The following ADCY3 variants were observed in gnomAD, a reference collection of about 807,000 sequenced individuals.
ADCY3 encodes adenylate cyclase 3, also known as adenylate cyclase type 3.
A neutral mutation model predicts 119.4 loss-of-function variants in ADCY3; 70 were observed. The ratio of observed to expected loss-of-function variants is 0.59; its 90% CI spans 0.48 to 0.72. The LOEUF is 0.72. Ranked by LOEUF, ADCY3 falls within the 30% of genes least tolerant of loss-of-function variation. ADCY3 has a pLI of 0.00. For synonymous variants in ADCY3, 672 were observed against 621.4 expected, an observed-to-expected ratio of 1.08 and a Z score of -1.21; for missense variants, 1,238 against 1,541.6, an observed-to-expected ratio of 0.80 and a Z score of 3.30.
At position 24,819,855 on chromosome 2, in the gene ADCY3, A is replaced by G; in HGVS notation, c.*77T>C. ...AGTCCATGAGTGTGCACTTCAATCC[A>G]GGAAGGTCGGGACTTCCTTCAGTTT... On this transcript the variant is annotated 3_prime_UTR_variant, in exon 22 of 22. Coordinates refer to ENST00000679454, the MANE Select transcript of ADCY3 (RefSeq NM_004036.5). 5 of 1,474,700 alleles carry G rather than the reference A, an allele frequency of 3.4e-6. No homozygotes were observed. The highest frequency in any genetic ancestry group is 4.6e-6 in the Non-Finnish European group (5 of 1,081,624). 91.4% of individuals were successfully genotyped at this position (1,474,700 alleles called of 1,614,324 possible). A position where few individuals can be genotyped will look rare whatever the true frequency, so the allele number is the denominator to read the frequency against.
At position 24,831,454 on chromosome 2, in the gene ADCY3, C is replaced by T. The variant is rs537960397; in HGVS notation, c.2055+208G>A. The stretch of plus-strand genomic sequence containing the variant: ...CCCACCACGGCCCAGCCGTGGCCCA[C>T]CACAGCCTGCCACAGCCTGGTGGCC... On this transcript the variant is annotated intron_variant, in intron 12 of 21. Coordinates refer to ENST00000679454, the MANE Select transcript of ADCY3 (RefSeq NM_004036.5). 2.7e-4 allele frequency among the ~76,000 whole-genome samples: 41 copies of T among 152,350 alleles called. No individual in the cohort carries two copies. The Middle Eastern group carries it at 0.01, about 38-fold the overall frequency.
At chr2:24,820,691 CTG>C in intron 21 of ADCY3, 31 bp downstream of exon 21, 1 of 1,613,106 alleles carries the variant, frequency 6.2e-7, no homozygotes, top group Non-Finnish European at 8.5e-7. Context: ...CATGCCGAGT[CTG>C]AGCACGTGCC....
intron 2 of ADCY3, among the ~76,000 whole-genome samples, chr2:24,881,818 T>C (rs1378946479): frequency 6.7e-6 from 1 of 149,432 alleles, no homozygotes; most frequent in Admixed American, 6.6e-5. Flanking sequence ...ACAGTGTGTC[T>C]GGAGACGTTT....
intron 2 of ADCY3, among the ~76,000 whole-genome samples, chr2:24,902,081 G>GTTT (rs1327235990): frequency 5.2e-5 from 5 of 95,998 alleles, no homozygotes; most frequent in African/African-American, 1.3e-4. Context: ...TGTGTATTTG[G>GTTT]TTTTTTTTTT....
rs1675977503 is a variant in ADCY3 at position 24,878,411 on chromosome 2, C to G, written c.676-5692G>C. On this transcript the variant is annotated intron_variant, in intron 2 of 21. Transcript: ENST00000679454. The surrounding 1 kb of genome is among the most constrained non-coding windows in gnomAD (Gnocchi z 4.0). ...CCACTGGAGGCGGTTTGGTGGCTCT[C>G]TTGCCCAAACCAATCTCTTCCTATA... 6.6e-6 allele frequency among the ~76,000 whole-genome samples: 1 copy of G among 152,112 alleles called. No homozygotes were observed.
intron 3 of ADCY3, among the ~76,000 whole-genome samples, chr2:24,869,796 C>T (rs1334352372): frequency 3.3e-5 from 5 of 152,106 alleles, no homozygotes; most frequent in Non-Finnish European, 7.4e-5. Flanking sequence ...AGAAACTTCT[C>T]AAATTATTTA....
chr2:24,906,594 GT>G (rs1298576648), intron 2 of ADCY3, among the ~76,000 whole-genome samples: 1 of 152,254 alleles, frequency 6.6e-6, no homozygotes, highest in Non-Finnish European at 1.5e-5. Context: ...GGGCAGTGGG[GT>G]CGGCCCCCAG....
intron 3 of ADCY3, among the ~76,000 whole-genome samples, chr2:24,868,826 C>T (rs1674623695): frequency 6.6e-6 from 1 of 151,162 alleles, no homozygotes; most frequent in East Asian, 1.9e-4. Flanking sequence ...ACCATCCTGG[C>T]TAACATGGTG....
At chr2:24,840,408 C>G (rs1381530022) in intron 6 of ADCY3, 1 of 394,184 alleles carries the variant, frequency 2.5e-6, no homozygotes, top group African/African-American at 2.1e-5. Flanking sequence ...CGTGAACAGC[C>G]CCCTGCCTGA....
chr2:24,912,631 A>C (rs1423413738), intron 2 of ADCY3, among the ~76,000 whole-genome samples: 2 of 149,826 alleles, frequency 1.3e-5, no homozygotes, highest in South Asian at 2.1e-4. Context: ...GTGTGCCTGC[A>C]TGTGCATATA....
Position 24,836,914 on chromosome 2 carries a change from T to C in ADCY3, c.1662+3A>G, listed in dbSNP as rs1307159979. On this transcript the variant is annotated splice_donor_region_variant and intron_variant, in intron 9 of 21. Coordinates refer to ENST00000679454, the MANE Select transcript of ADCY3 (RefSeq NM_004036.5). ...GACCCCCTGCCCTGAGCCCTGCACA[T>C]ACCTGGGCATCCTGCTCCTCGGGCT... The C allele has an allele frequency of 6.2e-6, 10 of 1,611,370 alleles. No homozygotes were observed. Among genetic ancestry groups the C allele is most frequent in the African/African-American group, 2.7e-5 (2 of 74,874 alleles).
intron 21 of ADCY3, 103 bp from the exon 22 acceptor site, chr2:24,820,217 C>T (rs1397928710): frequency 1.6e-6 from 2 of 1,246,218 alleles, no homozygotes; most frequent in Admixed American, 5.6e-5. Context: ...ATCCATGGGT[C>T]CCAAGCAGTA....
At chr2:24,879,375 C>T (rs1016079768) in intron 2 of ADCY3, among the ~76,000 whole-genome samples, 4 of 149,196 alleles carry the variant, frequency 2.7e-5, no homozygotes, top group Non-Finnish European at 5.9e-5. Flanking sequence ...ACGGCATGAA[C>T]CCGGGAGGCG....
intron 2 of ADCY3, among the ~76,000 whole-genome samples, chr2:24,873,109 C>T (rs999274035): frequency 6.6e-6 from 1 of 152,238 alleles, no homozygotes; most frequent in Non-Finnish European, 1.5e-5. Context: ...CACGCATTTG[C>T]TCAAGCAGCA....
chr2:24,913,260 T>C (rs935315929), intron 2 of ADCY3, among the ~76,000 whole-genome samples: 2 of 152,240 alleles, frequency 1.3e-5, no homozygotes, highest in African/African-American at 2.4e-5. Flanking sequence ...TTCAGCCCCC[T>C]GCCTTTCTCA....
intron 8 of ADCY3, among the ~76,000 whole-genome samples, chr2:24,837,918 C>T (rs1412056918): frequency 2.6e-5 from 4 of 152,138 alleles, no homozygotes; most frequent in African/African-American, 4.8e-5. Context: ...TGGCCCGAGA[C>T]AATTCTTCTT....
At position 24,852,928 on chromosome 2, in the gene ADCY3, G is replaced by A. The variant is rs111702888; in HGVS notation, c.826-10544C>T. On this transcript the variant is annotated intron_variant, in intron 3 of 21. Coordinates refer to ENST00000679454, the MANE Select transcript of ADCY3 (RefSeq NM_004036.5). ...CATCAGGGTGGGGAAGCCACGGACC[G>A]TGAGGCACACCTGTGCACCTGAGGT... 5.3e-3 allele frequency among the ~76,000 whole-genome samples: 811 copies of A among 152,344 alleles called. 4 individuals carry two copies. Among genetic ancestry groups the A allele is most frequent in the African/African-American group, 0.018 (757 of 41,584 alleles).
chr2:24,819,783 TCA>T lies in ADCY3; in HGVS notation c.*147_*148del. ...GGAATAGCAGGGCCACCCTCAGAGCTCACACATCCACGAACAAATGAAGGCTG... is the reference window on the plus strand; with the variant it reads ...GGAATAGCAGGGCCACCCTCAGAGCTCACATCCACGAACAAATGAAGGCTG... On this transcript the variant is annotated 3_prime_UTR_variant, in exon 22 of 22. Coordinates refer to ENST00000679454, the MANE Select transcript of ADCY3 (RefSeq NM_004036.5). 1 of 820,156 alleles carries T rather than the reference TCA, an allele frequency of 1.2e-6. No individual in the cohort carries two copies. Among genetic ancestry groups the T allele is most frequent in the Non-Finnish European group, 1.9e-6 (1 of 524,824 alleles). The allele number at this position is 820,156 out of a possible 1,614,324, so 50.8% of individuals were successfully genotyped here.
At chr2:24,914,171 G>A (rs981058292) in intron 2 of ADCY3, among the ~76,000 whole-genome samples, 6 of 152,274 alleles carry the variant, frequency 3.9e-5, no homozygotes, top group South Asian at 2.1e-4. Flanking sequence ...TGCCAGCCTC[G>A]GCTCCTCCTG....
Sources: gnomAD v4.1 joint callset for allele counts (sites outside exome capture counted in the v4.1 genomes callset) on GRCh38, gnomAD v4.1.1 for gene constraint, Gnocchi (gnomAD v3.1) non-coding constraint, MANE v1.5 for transcripts, NCBI Gene and HGNC (gene_info 2026-07-23, HGNC 2026-07-21) for gene names.